Variants in RNF17 observed in about 807,000 individuals in gnomAD.
RNF17 encodes ring finger protein 17, also known as spermatogenesis associated 23.
Under a neutral mutation model 200.5 loss-of-function variants are expected in RNF17, and 31 were observed. The observed-to-expected ratio is 0.15, with a 90% CI of 0.12 to 0.21. RNF17 has a LOEUF of 0.21. Among genes scored for constraint, RNF17 ranks in the 10% least tolerant of loss-of-function variants. The pLI, the probability that RNF17 is intolerant of heterozygous loss-of-function variation, is 1.00. For synonymous variants in RNF17, 606 were observed against 637.8 expected, an observed-to-expected ratio of 0.95 and a Z score of 0.75; for missense variants, 1,628 against 1,905.1, an observed-to-expected ratio of 0.85 and a Z score of 2.71.
chr13:24,855,195 G>A (rs1892338734), intron 25 of RNF17, among the ~76,000 whole-genome samples: 1 of 151,866 alleles, frequency 6.6e-6, no homozygotes, highest in Non-Finnish European at 1.5e-5. Context: ...GAATGATTAT[G>A]TCTCGGTATC....
intron 15 of RNF17, among the ~76,000 whole-genome samples, chr13:24,822,172 G>A (rs1888140491): frequency 6.6e-6 from 1 of 152,066 alleles, no homozygotes; most frequent in South Asian, 2.1e-4. Context: ...TATGCAAATG[G>A]GCTTTCTACT....
intron 17 of RNF17, among the ~76,000 whole-genome samples, chr13:24,831,342 T>C (rs1340795191): frequency 6.6e-6 from 1 of 152,088 alleles, no homozygotes; most frequent in Non-Finnish European, 1.5e-5. Flanking sequence ...CTCAGGAGGC[T>C]GAGGCAGGAG....
upstream of RNF17, among the ~76,000 whole-genome samples, chr13:24,759,536 A>C (rs898174655): frequency 2.6e-5 from 4 of 152,224 alleles, no homozygotes; most frequent in Non-Finnish European, 5.9e-5. Flanking sequence ...TGAGGGAAGC[A>C]AGAGTTTCTA....
intron 19 of RNF17, among the ~76,000 whole-genome samples, chr13:24,843,256 C>T (rs187235533): frequency 2.0e-5 from 3 of 152,242 alleles, no homozygotes; most frequent in South Asian, 2.1e-4. Flanking sequence ...CAGTGGCTCA[C>T]GCCTGTAATC....
intron 2 of RNF17, among the ~76,000 whole-genome samples, chr13:24,771,694 A>C (rs1402317897): frequency 3.4e-5 from 5 of 147,268 alleles, no homozygotes; most frequent in African/African-American, 1.0e-4. Flanking sequence ...ATATATATAT[A>C]TCTTCAATAC....
Position 24,868,493 on chromosome 13 carries a change from A to AG in RNF17, c.4162-107_4162-106insG, listed in dbSNP as rs60813801. ...TCAAAAAAAAAAAAAAAAAAAAAAA[A>AG]CTTGCTTTCTGCTAATTGAAAGGTA... On this transcript the variant is annotated intron_variant, in intron 30 of 35. Transcript: ENST00000255324. 8.3e-4 allele frequency: 277 copies of AG among 332,730 alleles called. 35 individuals are homozygous for AG. The highest frequency in any genetic ancestry group is 1.7e-3 in the Middle Eastern group (2 of 1,188). The allele number at this position is 332,730 out of a possible 1,614,324, so 20.6% of individuals were successfully genotyped here.
At chr13:24,793,372 G>T in intron 10 of RNF17, 26 bp downstream of exon 10, 1 of 1,549,716 alleles carries the variant, frequency 6.5e-7, no homozygotes. Flanking sequence ...AAAGCAGAGG[G>T]GAAAGATCTT....
At position 24,862,731 on chromosome 13, in the gene RNF17, C is replaced by G; in HGVS notation, c.3913C>G (p.Pro1305Ala). Residue 1305 changes from proline to alanine, a missense_variant, in exon 28 of 36, where the codon CCA becomes GCA. Around this residue, in one of 5 missense-constraint regions of RNF17, gnomAD observed 609 missense variants for 681.9 expected, o/e 0.89. Transcript: ENST00000255324. ...CAAATAGGTTGGGAATGTCTGGCAA[C>G]CAGATGCAATAGAAGTTCTTCAACA... ...NTTPVGNVWQ[P>A]DAIEVLQQLL... is the part of the protein sequence containing the mutation. 1.2e-6 allele frequency: 2 copies of G among 1,607,504 alleles called. No homozygotes were observed. Among genetic ancestry groups the G allele is most frequent in the Non-Finnish European group, 1.7e-6 (2 of 1,174,320 alleles).
chr13:24,819,182 A>G lies in RNF17; in HGVS notation c.2092-6437A>G, dbSNP rs192035465. On this transcript the variant is annotated intron_variant, in intron 15 of 35. Coordinates refer to ENST00000255324, the MANE Select transcript of RNF17 (RefSeq NM_031277.3). ...GAAACTATACTCGTTAAACAACAGC[A>G]CATTTCTCCCTGCTTCCAACCTCTG... Among the ~76,000 whole-genome samples, 201 of 152,292 alleles carry G rather than the reference A, an allele frequency of 1.3e-3. 1 individual carries two copies. The highest frequency in any genetic ancestry group is 4.7e-3 in the African/African-American group (194 of 41,582).
At chr13:24,840,882 A>G (rs1385634106) in intron 18 of RNF17, among the ~76,000 whole-genome samples, 1 of 152,158 alleles carries the variant, frequency 6.6e-6, no homozygotes, top group Non-Finnish European at 1.5e-5. Context: ...CTATAACTTA[A>G]TGGAAAAAAA....
intron 16 of RNF17, among the ~76,000 whole-genome samples, chr13:24,829,616 T>G (rs1296186103): frequency 6.6e-6 from 1 of 152,236 alleles, no homozygotes; most frequent in Non-Finnish European, 1.5e-5. Flanking sequence ...GCTAGTGCTG[T>G]GCCACTTGCT....
At chr13:24,846,077 AT>A (rs1891230360) in intron 22 of RNF17, among the ~76,000 whole-genome samples, 1 of 152,122 alleles carries the variant, frequency 6.6e-6, no homozygotes, top group South Asian at 2.1e-4. Context: ...TGACACAGTG[AT>A]TTTTTAACCT....
intron 7 of RNF17, among the ~76,000 whole-genome samples, chr13:24,788,500 C>T (rs1283837006): frequency 6.6e-6 from 1 of 151,834 alleles, no homozygotes; most frequent in Non-Finnish European, 1.5e-5. Flanking sequence ...AAAATGAGGA[C>T]AAATAAGGGT....
chr13:24,754,165 A>AT, the RNF17 span, among the ~76,000 whole-genome samples: 1 of 139,830 alleles, frequency 7.2e-6, no homozygotes, highest in Non-Finnish European at 1.6e-5. Flanking sequence ...CAAAAATAAA[A>AT]TTAAAAAAAA....
chr13:24,857,652 AG>A (rs1566234915), intron 25 of RNF17, among the ~76,000 whole-genome samples: 1 of 152,226 alleles, frequency 6.6e-6, no homozygotes, highest in African/African-American at 2.4e-5. Context: ...CTGTAATCTC[AG>A]CACTTCAGGT....
intron 31 of RNF17, among the ~76,000 whole-genome samples, chr13:24,869,836 T>A (rs982182876): frequency 2.2e-4 from 34 of 151,782 alleles, no homozygotes; most frequent in African/African-American, 6.8e-4. Flanking sequence ...GACATAAACA[T>A]AGCTCACTGA....
chr13:24,854,976 C>A (rs1892310241), intron 25 of RNF17, among the ~76,000 whole-genome samples: 1 of 152,178 alleles, frequency 6.6e-6, no homozygotes, highest in African/African-American at 2.4e-5. Context: ...ACCCCAGATA[C>A]AGCCACTTTT....
intron 13 of RNF17, among the ~76,000 whole-genome samples, chr13:24,801,550 G>A (rs925126951): frequency 6.6e-6 from 1 of 152,138 alleles, no homozygotes; most frequent in Non-Finnish European, 1.5e-5. Context: ...TTGAGCTTGG[G>A]AGGCGGAGAT....
chr13:24,767,299 A>T lies in RNF17; in HGVS notation c.158A>T (p.His53Leu). 1 of 1,611,374 alleles carries T rather than the reference A, an allele frequency of 6.2e-7. No homozygotes were observed. Among genetic ancestry groups the T allele is most frequent in the Non-Finnish European group, 8.5e-7 (1 of 1,177,564 alleles). The change falls in exon 2 of 36, where the codon CAT becomes CTT. Residue 53 changes from histidine (H) to leucine (L), a missense_variant. Physicochemically the swap from His to Leu is moderately conservative, Grantham distance 99 (BLOSUM62 -3). Coordinates refer to ENST00000255324, the MANE Select transcript of RNF17 (RefSeq NM_031277.3). ...CACCATTGTGAACTTCAATGTGGACATGCTTTTTGTGAACTATGCTTGTTA... is the reference window on the plus strand; with the variant it reads ...CACCATTGTGAACTTCAATGTGGACTTGCTTTTTGTGAACTATGCTTGTTA... Reference protein sequence around the residue: ...SGHHCELQCGHAFCELCLLMT... With the variant: ...SGHHCELQCGLAFCELCLLMT...
Sources: gnomAD v4.1 joint callset for allele counts (sites outside exome capture counted in the v4.1 genomes callset) on GRCh38, gnomAD v4.1.1 for gene constraint, gnomAD v4.1.1 regional missense constraint, MANE v1.5 for transcripts, NCBI Gene and HGNC (gene_info 2026-07-23, HGNC 2026-07-21) for gene names.